The following CNTN4 variants were observed in gnomAD, a reference collection of about 807,000 sequenced individuals.
CNTN4 encodes contactin 4.
In CNTN4, 77 loss-of-function variants were observed where a neutral mutation model predicts 122.5. The ratio of observed to expected loss-of-function variants is 0.63; its 90% CI spans 0.52 to 0.76. The LOEUF (loss-of-function observed/expected upper bound fraction) is 0.76. CNTN4 is among the 30% of genes least tolerant of loss of function. CNTN4 has a pLI of 0.00. For missense variants in CNTN4, 1,256 were observed against 1,259.1 expected, an observed-to-expected ratio of 1.00 and a Z score of 0.04; for synonymous variants, 512 against 447.0, an observed-to-expected ratio of 1.15 and a Z score of -1.83.
intron 10 of CNTN4, among the ~76,000 whole-genome samples, chr3:2,889,824 T>C (rs2094018537): frequency 6.6e-6 from 1 of 152,198 alleles, no homozygotes; most frequent in Non-Finnish European, 1.5e-5. Flanking sequence ...GGCATACTGC[T>C]TTCCTGTGGG....
chr3:2,151,364 G>C (rs909473769), intron 2 of CNTN4, among the ~76,000 whole-genome samples: 5 of 152,208 alleles, frequency 3.3e-5, no homozygotes, highest in Admixed American at 2.0e-4. Flanking sequence ...CAGGGAGGCA[G>C]CTAAGAGACT....
At chr3:2,658,961 AACAGACAC>A (rs1559355827) in intron 4 of CNTN4, among the ~76,000 whole-genome samples, 3 of 59,134 alleles carry the variant, frequency 5.1e-5, no homozygotes, top group African/African-American at 2.3e-4. Flanking sequence ...CACACACACA[AACAGACAC>A]ACACACACAC....
intron 4 of CNTN4, among the ~76,000 whole-genome samples, chr3:2,627,387 A>C (rs1419905348): frequency 6.6e-6 from 1 of 152,016 alleles, no homozygotes; most frequent in African/African-American, 2.4e-5. Flanking sequence ...TTTCTTAGAC[A>C]AGTTGACTCT....
At chr3:2,409,430 G>A (rs1306244582) in intron 3 of CNTN4, among the ~76,000 whole-genome samples, 3 of 151,852 alleles carry the variant, frequency 2.0e-5, no homozygotes, top group Non-Finnish European at 2.9e-5. Context: ...TGTATTTTTA[G>A]TAGAGAGAAG....
At chr3:2,347,625 G>T (rs2044451662) in intron 3 of CNTN4, among the ~76,000 whole-genome samples, 1 of 151,806 alleles carries the variant, frequency 6.6e-6, no homozygotes, top group Non-Finnish European at 1.5e-5. Context: ...GGCCAGGCTG[G>T]TCTCAAACTC....
intron 6 of CNTN4, among the ~76,000 whole-genome samples, chr3:2,804,423 G>A (rs2092417720): frequency 6.6e-6 from 1 of 152,144 alleles, no homozygotes; most frequent in Non-Finnish European, 1.5e-5. Context: ...TTATTTTGCT[G>A]TTCAGCAATC....
intron 2 of CNTN4, among the ~76,000 whole-genome samples, chr3:2,308,053 T>G (rs1010655911): frequency 8.5e-5 from 13 of 152,170 alleles, no homozygotes; most frequent in African/African-American, 3.1e-4. Flanking sequence ...GAGAAGTTTC[T>G]TGATTACTAA....
chr3:2,155,605 A>C (rs1382124998), intron 2 of CNTN4, among the ~76,000 whole-genome samples: 1 of 152,210 alleles, frequency 6.6e-6, no homozygotes, highest in East Asian at 1.9e-4. Context: ...GCCAGTGGGC[A>C]CTGAATCCTA....
At chr3:3,038,785 C>A in intron 18 of CNTN4, 148 bp from the exon 19 acceptor site, 1 of 540,756 alleles carries the variant, frequency 1.8e-6, no homozygotes. Context: ...CGCCGTGGGC[C>A]CCTTGACAAT....
intron 2 of CNTN4, among the ~76,000 whole-genome samples, chr3:2,230,362 CAAGAAACT>C (rs1233838107): frequency 4.6e-5 from 7 of 152,156 alleles, no homozygotes; most frequent in African/African-American, 1.7e-4. Flanking sequence ...AGATAGACAA[CAAGAAACT>C]TGCAGATAAG....
chr3:2,399,163 C>T (rs1299365398), intron 3 of CNTN4, among the ~76,000 whole-genome samples: 2 of 151,968 alleles, frequency 1.3e-5, no homozygotes, highest in Non-Finnish European at 2.9e-5. Flanking sequence ...CTTTCCCCAC[C>T]CAATATCTGT....
intron 3 of CNTN4, among the ~76,000 whole-genome samples, chr3:2,347,834 G>T (rs145937902): frequency 7.0e-4 from 106 of 151,096 alleles, no homozygotes; most frequent in African/African-American, 2.3e-3. Context: ...TTAATTTTTA[G>T]AAGCTCTTTT....
chr3:2,347,252 G>A (rs2044431017), intron 3 of CNTN4, among the ~76,000 whole-genome samples: 4 of 152,040 alleles, frequency 2.6e-5, no homozygotes, highest in African/African-American at 7.2e-5. Flanking sequence ...CTTGGTGGAG[G>A]CACCATCTGG....
intron 2 of CNTN4, among the ~76,000 whole-genome samples, chr3:2,278,724 T>A (rs2041611705): frequency 6.6e-6 from 1 of 152,172 alleles, no homozygotes; most frequent in Non-Finnish European, 1.5e-5. Context: ...CTGAAAAAGT[T>A]TTCTAACTTC....
intron 7 of CNTN4, among the ~76,000 whole-genome samples, chr3:2,849,634 C>G (rs894493407): frequency 6.6e-6 from 1 of 152,142 alleles, no homozygotes; most frequent in Admixed American, 6.5e-5. Flanking sequence ...TTGGCTGTTC[C>G]CTACTTTACA....
At chr3:2,585,636 C>T (rs1209138237) in intron 4 of CNTN4, among the ~76,000 whole-genome samples, 1 of 143,032 alleles carries the variant, frequency 7.0e-6, no homozygotes, top group Non-Finnish European at 1.5e-5. Context: ...GGGAGTTGAA[C>T]AATGAGAACA....
At chr3:2,120,382 T>TATATATATATAA (rs2033662405) in intron 2 of CNTN4, among the ~76,000 whole-genome samples, 12 of 27,316 alleles carry the variant, frequency 4.4e-4, no homozygotes, top group East Asian at 1.8e-3. Flanking sequence ...TAAATATATA[T>TATATATATATAA]ATATATATAT....
chr3:2,109,814 G>T (rs764247087), intron 2 of CNTN4, among the ~76,000 whole-genome samples: 26 of 152,146 alleles, frequency 1.7e-4, no homozygotes, highest in Non-Finnish European at 3.4e-4. Context: ...GCTAGATATT[G>T]ATTCTAGACT....
In CNTN4 at chr3:2,630,665, A is replaced by C. The variant is rs2082390496; in HGVS notation, c.55+59107A>C. 3.3e-5 allele frequency among the ~76,000 whole-genome samples: 5 copies of C among 151,562 alleles called. No homozygotes were observed. The South Asian group carries it at 1.0e-3, about 32-fold the overall frequency. On this transcript the variant is annotated intron_variant, in intron 4 of 24. Transcript: ENST00000418658. ...TGTAATTATAGTAAAATTTGAGAGG[A>C]ATTAGTATGGTATATCCCTATCTGT...
Sources: gnomAD v4.1 joint callset for allele counts (sites outside exome capture counted in the v4.1 genomes callset) on GRCh38, gnomAD v4.1.1 for gene constraint, MANE v1.5 for transcripts, NCBI Gene and HGNC (gene_info 2026-07-23, HGNC 2026-07-21) for gene names.